BACH2: variants seen among roughly 807,000 people sequenced by gnomAD.
BACH2 encodes the protein transcription regulator protein BACH2.
A neutral mutation model predicts 61.8 loss-of-function variants in BACH2; 5 were observed. The ratio of observed to expected loss-of-function variants is 0.08; its 90% CI spans 0.04 to 0.17. BACH2 has a LOEUF of 0.17. Among genes scored for constraint, BACH2 ranks in the 10% least tolerant of loss-of-function variants. The pLI is 1.00. For synonymous variants in BACH2, 446 were observed against 440.1 expected, an observed-to-expected ratio of 1.01 and a Z score of -0.17; for missense variants, 824 against 1,091.1, an observed-to-expected ratio of 0.76 and a Z score of 3.45.
At chr6:90,028,511 A>AT (rs1778759469) in intron 5 of BACH2, among the ~76,000 whole-genome samples, 1 of 152,176 alleles carries the variant, frequency 6.6e-6, no homozygotes, top group African/African-American at 2.4e-5. Flanking sequence ...GAGGGGCAGG[A>AT]TCCTGCAGTG....
intron 5 of BACH2, among the ~76,000 whole-genome samples, chr6:90,021,754 C>T (rs573715495): frequency 6.6e-6 from 1 of 152,192 alleles, no homozygotes; most frequent in South Asian, 2.1e-4. Context: ...AAACTTCTTA[C>T]TTTAAGTGAA....
chr6:90,247,243 C>CT (rs1323634499), intron 3 of BACH2, among the ~76,000 whole-genome samples: 2 of 150,642 alleles, frequency 1.3e-5, no homozygotes, highest in Admixed American at 6.6e-5. Flanking sequence ...CTTTCTTCTT[C>CT]TTCTTTTTTT....
intron 6 of BACH2, among the ~76,000 whole-genome samples, chr6:89,995,040 G>C (rs1333417603): frequency 6.6e-6 from 1 of 152,098 alleles, no homozygotes; most frequent in Admixed American, 6.5e-5. Context: ...TCATATTTGA[G>C]TTTCTCCAAT....
chr6:90,190,123 T>A (rs1014454561), intron 4 of BACH2, among the ~76,000 whole-genome samples: 9 of 152,174 alleles, frequency 5.9e-5, no homozygotes, highest in African/African-American at 2.2e-4. Flanking sequence ...TTTTGTATTT[T>A]TAGTACAGAC....
intron 4 of BACH2, among the ~76,000 whole-genome samples, chr6:90,140,424 G>C (rs1479002126): frequency 6.6e-6 from 1 of 152,122 alleles, no homozygotes; most frequent in African/African-American, 2.4e-5. Flanking sequence ...GGAATAAAAA[G>C]AACACAATTA....
intron 3 of BACH2, among the ~76,000 whole-genome samples, chr6:90,207,999 G>C (rs1201870230): frequency 1.3e-5 from 2 of 152,164 alleles, no homozygotes; most frequent in Non-Finnish European, 2.9e-5. Flanking sequence ...ATGATAGAGA[G>C]AGGAAATTGC....
chr6:89,932,876 C>A lies in BACH2; in HGVS notation c.2058G>T (p.Glu686Asp). Reference protein sequence around the residue: ...CEIRKLVCEKEKLLSERNQLK... With the variant: ...CEIRKLVCEKDKLLSERNQLK... Reference sequence around the variant, plus strand: ...GTTGATTCCTCTCTGACAACAGTTTCTCTTTCTCACACACCTGGACAGTAG... The same window carrying A: ...GTTGATTCCTCTCTGACAACAGTTTATCTTTCTCACACACCTGGACAGTAG... The change falls in exon 9 of 9, where the codon GAG becomes GAT. Residue 686 changes from glutamate (E) to aspartate (D), a missense_variant. Physicochemically the swap from Glu to Asp is conservative, Grantham distance 45. Around this residue, in one of 8 missense-constraint regions of BACH2, gnomAD observed 160 missense variants for 283.5 expected, o/e 0.56. Coordinates refer to ENST00000257749, the MANE Select transcript of BACH2 (RefSeq NM_021813.4). 6.3e-7 allele frequency: 1 copy of A among 1,594,574 alleles called. No homozygotes were observed.
intron 2 of BACH2, among the ~76,000 whole-genome samples, chr6:90,262,913 A>G (rs2127876527): frequency 6.6e-6 from 1 of 152,330 alleles, no homozygotes; most frequent in Non-Finnish European, 1.5e-5. Context: ...ATCTAAGGAA[A>G]AGCATGGCTT....
At chr6:90,164,219 T>C (rs1025866823) in intron 4 of BACH2, among the ~76,000 whole-genome samples, 2 of 152,038 alleles carry the variant, frequency 1.3e-5, no homozygotes, top group African/African-American at 4.8e-5. Flanking sequence ...CAATAAAAAA[T>C]GATAAAGGGG....
intron 4 of BACH2, among the ~76,000 whole-genome samples, chr6:90,092,315 T>TACACACAC (rs1554244355): frequency 8.9e-5 from 10 of 112,466 alleles, no homozygotes; most frequent in African/African-American, 2.9e-4. Context: ...TATATATATA[T>TACACACAC]ACACACACAC....
At chr6:90,083,041 C>T (rs972626408) in intron 5 of BACH2, among the ~76,000 whole-genome samples, 13 of 152,160 alleles carry the variant, frequency 8.5e-5, no homozygotes, top group African/African-American at 2.9e-4. Context: ...CTCCTCATGA[C>T]GCACAGTCTG....
At chr6:90,071,355 A>G in intron 5 of BACH2, among the ~76,000 whole-genome samples, 1 of 152,240 alleles carries the variant, frequency 6.6e-6, no homozygotes, top group East Asian at 1.9e-4. Flanking sequence ...AGTTCTGCGA[A>G]GGAGGCAGCC....
intron 1 of BACH2, among the ~76,000 whole-genome samples, chr6:90,295,654 G>GCT: frequency 6.8e-6 from 1 of 147,828 alleles, no homozygotes; most frequent in East Asian, 2.1e-4. Flanking sequence ...TGGAGTGTAG[G>GCT]GTGTGTGTGT....
At position 90,229,107 on chromosome 6, in the gene BACH2, C is replaced by T. The variant is rs188996237; in HGVS notation, c.-274-22426G>A. Among the ~76,000 whole-genome samples, 715 of 152,330 alleles carry T rather than the reference C, an allele frequency of 4.7e-3. 9 individuals are homozygous for T. Among genetic ancestry groups the T allele is most frequent in the African/African-American group, 0.017 (687 of 41,576 alleles). On this transcript the variant is annotated intron_variant, in intron 3 of 8. Coordinates refer to ENST00000257749, the MANE Select transcript of BACH2 (RefSeq NM_021813.4). ...TTAAACCACTGTTCAAACTCTGCTA[C>T]ACATCAGAATCACCTGGAGAGCTTT...
intron 6 of BACH2, among the ~76,000 whole-genome samples, chr6:89,975,547 C>T (rs1775604943): frequency 6.6e-6 from 1 of 152,198 alleles, no homozygotes; most frequent in African/African-American, 2.4e-5. Context: ...ACAGTAGGTA[C>T]TCAATAAAGT....
intron 6 of BACH2, among the ~76,000 whole-genome samples, chr6:89,963,810 A>G (rs1429001569): frequency 6.6e-6 from 1 of 152,230 alleles, no homozygotes; most frequent in Non-Finnish European, 1.5e-5. Flanking sequence ...AGCAACCCAA[A>G]TTTCCATTCA....
intron 7 of BACH2, among the ~76,000 whole-genome samples, chr6:89,948,828 AGG>A (rs1773902229): frequency 6.6e-6 from 1 of 152,136 alleles, no homozygotes; most frequent in Non-Finnish European, 1.5e-5. Flanking sequence ...ACCTAAGGGG[AGG>A]TGGTATATTC....
intron 4 of BACH2, among the ~76,000 whole-genome samples, chr6:90,192,466 C>G (rs1462822512): frequency 2.0e-5 from 3 of 152,088 alleles, no homozygotes; most frequent in Non-Finnish European, 4.4e-5. Context: ...AAAATAATGA[C>G]TAACTTGATA....
intron 5 of BACH2, among the ~76,000 whole-genome samples, chr6:90,076,641 A>G (rs1312754191): frequency 6.6e-6 from 1 of 152,126 alleles, no homozygotes; most frequent in East Asian, 1.9e-4. Flanking sequence ...GGTCTGTCTA[A>G]GTAATGTAAT....
Sources: gnomAD v4.1 joint callset for allele counts (sites outside exome capture counted in the v4.1 genomes callset) on GRCh38, gnomAD v4.1.1 for gene constraint, gnomAD v4.1.1 regional missense constraint, MANE v1.5 for transcripts, NCBI Gene and HGNC (gene_info 2026-07-23, HGNC 2026-07-21) for gene names.